SEMA6C: variants seen among roughly 807,000 people sequenced by gnomAD.
SEMA6C encodes the protein semaphorin-6C.
Under a neutral mutation model 72.9 loss-of-function variants are expected in SEMA6C, and 37 were observed. The observed-to-expected ratio is 0.51, with a 90% CI of 0.39 to 0.67. The LOEUF (loss-of-function observed/expected upper bound fraction) is 0.67. Among genes scored for constraint, SEMA6C ranks in the 30% least tolerant of loss-of-function variants. SEMA6C has a pLI of 0.00. For synonymous variants in SEMA6C, 578 were observed against 554.1 expected (o/e 1.04, Z -0.61); for missense variants, 1,189 against 1,263.6 (o/e 0.94, Z 0.89).
chr1:151,139,356 A>G, intron 6 of SEMA6C, 69 bp downstream of exon 6: 1 of 1,312,588 alleles, frequency 7.6e-7, no homozygotes, highest in Non-Finnish European at 1.1e-6. Flanking sequence ...ATAGTAGAGG[A>G]CCAGTTGGAC....
Position 151,136,545 on chromosome 1 carries a change from C to T in SEMA6C, c.1009G>A (p.Asp337Asn). 1 of 1,614,088 alleles carries T rather than the reference C, an allele frequency of 6.2e-7. No individual in the cohort carries two copies. Among genetic ancestry groups the T allele is most frequent in the Non-Finnish European group, 8.5e-7 (1 of 1,180,012 alleles). ...CCCTCAAACCCACGCTCAATCTCAT[C>T]CAGGTAGAAGGCGCAGACGGCAGAG... is the stretch of plus-strand genomic sequence containing the variant. ...PGSAVCAFYL[D>N]EIERGFEGKF... The change falls in exon 12 of 19, where the codon GAT (aspartate) becomes AAT (asparagine). Residue 337 changes from aspartate to asparagine, a missense_variant. Physicochemically the swap from Asp to Asn is conservative, Grantham distance 23. Coordinates refer to ENST00000368914, the MANE Select transcript of SEMA6C (RefSeq NM_030913.6).
chr1:151,133,227 G>T lies in SEMA6C; in HGVS notation c.2050C>A (p.Leu684Met). The T allele has an allele frequency of 6.3e-7, 1 of 1,579,736 alleles. No homozygotes were observed. Among genetic ancestry groups the T allele is most frequent in the Non-Finnish European group, 8.6e-7 (1 of 1,169,118 alleles). ...GGGGGCACGCCCTCCGGAGGCGGCAGGAAGGTGGTGTAGAGCTGCGGCGTC... is the reference window on the plus strand; with the variant it reads ...GGGGGCACGCCCTCCGGAGGCGGCATGAAGGTGGTGTAGAGCTGCGGCGTC... ...VQTPQLYTTFLPPPEGVPPPE... is the reference protein window; with the variant it reads ...VQTPQLYTTFMPPPEGVPPPE... Residue 684 changes from leucine to methionine, a missense_variant, in exon 19 of 19, where the codon CTG (leucine) becomes ATG (methionine). By Grantham distance (15) the Leu-to-Met change is conservative. Transcript: ENST00000368914. This position sits in a 1 kb window ranked among gnomAD's most constrained non-coding sequence, Gnocchi z 5.9.
chr1:151,143,813 G>A (rs587762832), intron 2 of SEMA6C, among the ~76,000 whole-genome samples: 2 of 152,236 alleles, frequency 1.3e-5, no homozygotes, highest in East Asian at 3.9e-4. Context: ...GTCAAGAAGG[G>A]TGAGACTCCT....
In SEMA6C at chr1:151,132,936, TG is replaced by T; in HGVS notation, c.2340del (p.Arg781GlufsTer10). On this transcript the variant is annotated frameshift_variant, in exon 19 of 19. Coordinates refer to ENST00000368914, the MANE Select transcript of SEMA6C (RefSeq NM_030913.6). LOFTEE classifies it low-confidence loss of function (END_TRUNC). ...GGGGCGGGGGGCTCGGCCCCCTTTCTGGGCGGCTGCGGGCCGTGCAGGTAGC... is the reference window on the plus strand; with the variant it reads ...GGGGCGGGGGGCTCGGCCCCCTTTCTGGCGGCTGCGGGCCGTGCAGGTAGC... ...LLRYLHGPQP[P>X]RKGAEPPAPL... 1 of 1,397,964 alleles carries T rather than the reference TG, an allele frequency of 7.2e-7. No homozygotes were observed. Among genetic ancestry groups the T allele is most frequent in the Non-Finnish European group, 9.3e-7 (1 of 1,073,718 alleles). The allele number at this position is 1,397,964 out of a possible 1,614,324, so 86.6% of individuals were successfully genotyped here.
At chr1:151,136,289 C>T in intron 12 of SEMA6C, 126 bp from the exon 13 acceptor site, 10 of 1,478,308 alleles carry the variant, frequency 6.8e-6, no homozygotes, top group Non-Finnish European at 9.2e-6. Flanking sequence ...ACACTCGTAG[C>T]ACTGTCCCCT....
At position 151,137,772 on chromosome 1, in the gene SEMA6C, T is replaced by C; in HGVS notation, c.695A>G (p.His232Arg). Reference sequence around the variant, plus strand: ...GAAGAAGAAGTAGACATGGTCTCCATGCTCCAAGGCCTGGACAAAGTGTGG... The same window carrying C: ...GAAGAAGAAGTAGACATGGTCTCCACGCTCCAAGGCCTGGACAAAGTGTGG... ...REPHFVQALE[H>R]GDHVYFFFRE... is the part of the protein sequence containing the mutation. Residue 232 changes from histidine (H) to arginine (R), a missense_variant, in exon 10 of 19, where the codon CAT (histidine) becomes CGT (arginine). His to Arg is a conservative substitution (Grantham distance 29). Transcript: ENST00000368914. 1 of 1,613,752 alleles carries C rather than the reference T, an allele frequency of 6.2e-7. No individual in the cohort carries two copies. Among genetic ancestry groups the C allele is most frequent in the Non-Finnish European group, 8.5e-7 (1 of 1,179,734 alleles).
Position 151,146,213 on chromosome 1 carries a change from G to A in SEMA6C, c.-105+220C>T. 1 of 152,456 alleles carries A rather than the reference G, an allele frequency of 6.6e-6. No homozygotes were observed. Among genetic ancestry groups the A allele is most frequent in the Non-Finnish European group, 1.5e-5 (1 of 68,102 alleles). The allele number at this position is 152,456 out of a possible 1,614,324, so 9.4% of individuals were successfully genotyped here. The stretch of plus-strand genomic sequence containing the variant: ...CTCGACGAAAGCCCAATTGAACGAG[G>A]TGCCCAGACTCTGCTCTCACCAGTA... On this transcript the variant is annotated intron_variant, in intron 1 of 18. Coordinates refer to ENST00000368914, the MANE Select transcript of SEMA6C (RefSeq NM_030913.6). The surrounding 1 kb of genome is among the most constrained non-coding windows in gnomAD (Gnocchi z 4.6).
chr1:151,136,277 A>G lies in SEMA6C; in HGVS notation c.1107-114T>C, dbSNP rs1031357647. ...GGAAAGCCTTGCTCCCCCTCCACAC[A>G]GACACTCGTAGCACTGTCCCCTTCC... On this transcript the variant is annotated intron_variant, in intron 12 of 18. Coordinates refer to ENST00000368914, the MANE Select transcript of SEMA6C (RefSeq NM_030913.6). 2.0e-6 allele frequency: 3 copies of G among 1,496,274 alleles called. No homozygotes were observed. In the African/African-American group the frequency reaches 4.1e-5, roughly 21 times the overall value. 92.7% of individuals were successfully genotyped at this position (1,496,274 alleles called of 1,614,324 possible).
At chr1:151,139,822 C>A in intron 4 of SEMA6C, 121 bp from the exon 5 acceptor site, 2 of 1,253,046 alleles carry the variant, frequency 1.6e-6, no homozygotes, top group East Asian at 5.0e-5. Flanking sequence ...TTCCTCCATG[C>A]CTTGGCATTT....
rs587628773 is a variant in SEMA6C at position 151,141,732 on chromosome 1, C to CA, written c.118+771_118+772insT. ...CAGCTGACTTTTTTTTTTTAATCGG[C>CA]TTTTTTTTTTTTTTTAAAGAGATGG... On this transcript the variant is annotated intron_variant, in intron 3 of 18. Transcript: ENST00000368914. Among the ~76,000 whole-genome samples, 18 of 107,104 alleles carry CA rather than the reference C, an allele frequency of 1.7e-4. No homozygotes were observed. In the East Asian group the frequency reaches 4.2e-3, roughly 25 times the overall value. 70.3% of individuals were successfully genotyped at this position (107,104 alleles called of 152,430 possible).
chr1:151,133,846 A>G lies in SEMA6C; in HGVS notation c.1760-329T>C, dbSNP rs761850819. On this transcript the variant is annotated intron_variant, in intron 18 of 18. Transcript: ENST00000368914. This position sits in a 1 kb window ranked among gnomAD's most constrained non-coding sequence, Gnocchi z 5.9. Reference sequence around the variant, plus strand: ...TGGGATGCCCAATTCTGGGGAAGGGAGGCTCCAAACAGGCGTTAGTGAGCA... The same window carrying G: ...TGGGATGCCCAATTCTGGGGAAGGGGGGCTCCAAACAGGCGTTAGTGAGCA... The G allele has an allele frequency of 2.9e-5, 29 of 1,005,072 alleles. No homozygotes were observed. Among genetic ancestry groups the G allele is most frequent in the Non-Finnish European group, 3.8e-5 (26 of 682,698 alleles). 62.3% of individuals were successfully genotyped at this position (1,005,072 alleles called of 1,614,324 possible). A position where few individuals can be genotyped will look rare whatever the true frequency, so the allele number is the denominator to read the frequency against.
chr1:151,140,000 T>C lies in SEMA6C; in HGVS notation c.209A>G (p.Asn70Ser), dbSNP rs1392477209. Residue 70 changes from asparagine to serine, a missense_variant, in exon 4 of 19, where the codon AAC (asparagine) becomes AGC (serine). Asn to Ser is a conservative substitution (Grantham distance 46). Transcript: ENST00000368914. ...CCGGGCAGCCACTAGCAAGGTCCGG[T>C]TCAAGGTCAGGAATCTCTGAAAGTC... ...GLDFQRFLTL[N>S]RTLLVAARDH... is the part of the protein sequence containing the mutation. 6.2e-7 allele frequency: 1 copy of C among 1,614,110 alleles called. No individual in the cohort carries two copies. Among genetic ancestry groups the C allele is most frequent in the South Asian group, 1.1e-5 (1 of 91,084 alleles).
At chr1:151,142,107 G>A (rs1345922068) in intron 3 of SEMA6C, among the ~76,000 whole-genome samples, 1 of 149,414 alleles carries the variant, frequency 6.7e-6, no homozygotes. Flanking sequence ...AGCGATATCC[G>A]CTCACTGCAA....
At position 151,137,709 on chromosome 1, in the gene SEMA6C, A is replaced by C. The variant is rs1572033585; in HGVS notation, c.756+2T>G. 1 of 1,610,700 alleles carries C rather than the reference A, an allele frequency of 6.2e-7. No homozygotes were observed. ...TACCCACCCTGATGCCCACCTCCTT[A>C]CCCTCCCCAGCCGAGCATCCTCCAC... On this transcript the variant is annotated splice_donor_variant, in intron 10 of 18. Transcript: ENST00000368914. LOFTEE classifies it high-confidence loss of function.
chr1:151,136,611 G>A, intron 11 of SEMA6C, 32 bp from the exon 12 acceptor site: 4 of 1,612,928 alleles, frequency 2.5e-6, no homozygotes, highest in Non-Finnish European at 3.4e-6. Flanking sequence ...CAGGATAGGT[G>A]CTGAAAGGAA....
intron 5 of SEMA6C, 22 bp downstream of exon 5, chr1:151,139,616 C>T: frequency 6.2e-7 from 1 of 1,605,994 alleles, no homozygotes; most frequent in Non-Finnish European, 8.5e-7. Flanking sequence ...ACGTCTGCAC[C>T]TCTTCCCACA....
At position 151,135,181 on chromosome 1, in the gene SEMA6C, C is replaced by T. The variant is rs769263400; in HGVS notation, c.1562G>A (p.Arg521Gln). 1.5e-5 allele frequency: 25 copies of T among 1,613,898 alleles called. No individual in the cohort carries two copies. The highest frequency in any genetic ancestry group is 2.1e-5 in the Non-Finnish European group (25 of 1,179,926). The change falls in exon 15 of 19, where the codon CGG (arginine) becomes CAG (glutamine). Residue 521 changes from arginine to glutamine, a missense_variant. By Grantham distance (43) the Arg-to-Gln change is conservative. Around this residue, in one of 2 missense-constraint regions of SEMA6C, gnomAD observed 721 missense variants for 686.2 expected, o/e 1.05. Coordinates refer to ENST00000368914, the MANE Select transcript of SEMA6C (RefSeq NM_030913.6). ...IVYLPLSRCA[R>Q]HGACQRSCLA... ...CTCTCACCTCTGACAGGCCCCATGCCGGGCACACCGGCTGAGAGGGAGGTA... is the reference window on the plus strand; with the variant it reads ...CTCTCACCTCTGACAGGCCCCATGCTGGGCACACCGGCTGAGAGGGAGGTA...
Position 151,132,509 on chromosome 1 carries a change from G to C in SEMA6C, c.2768C>G (p.Pro923Arg), listed in dbSNP as rs1314889932. 1.8e-5 allele frequency: 28 copies of C among 1,549,636 alleles called. No homozygotes were observed. The highest frequency in any genetic ancestry group is 2.1e-5 in the Non-Finnish European group (24 of 1,146,520). Residue 923 changes from proline (P) to arginine (R), a missense_variant, in exon 19 of 19, where the codon CCG becomes CGG. This residue lies in a region of SEMA6C where 721 missense variants were observed against 686.2 expected (regional missense o/e 1.05). Coordinates refer to ENST00000368914, the MANE Select transcript of SEMA6C (RefSeq NM_030913.6). ...LVGPSSRQAV[P>R]NGGRFNF is the part of the protein sequence containing the mutation. ...TTAAAAGTTGAAACGGCCGCCGTTC[G>C]GGACGGCCTGGCGGGAGGAGGGCCC...
Position 151,132,270 on chromosome 1 carries a change from G to A in SEMA6C, c.*214C>T, listed in dbSNP as rs1681594402. ...CCCCCTGAAATGCTGGCTCACTGAG[G>A]AGACGGGCTTCTCACCTCCCACTCT... On this transcript the variant is annotated 3_prime_UTR_variant, in exon 19 of 19. Coordinates refer to ENST00000368914, the MANE Select transcript of SEMA6C (RefSeq NM_030913.6). 1 of 1,529,936 alleles carries A rather than the reference G, an allele frequency of 6.5e-7. No individual in the cohort carries two copies. 94.8% of individuals were successfully genotyped at this position (1,529,936 alleles called of 1,614,324 possible).
Sources: allele counts gnomAD v4.1 joint callset (sites outside exome capture counted in the v4.1 genomes callset), GRCh38; gene constraint gnomAD v4.1.1; regional missense constraint gnomAD v4.1.1; non-coding constraint Gnocchi (gnomAD v3.1); transcripts MANE v1.5; gene names NCBI Gene and HGNC (gene_info 2026-07-23, HGNC 2026-07-21).